The following ADARB2 variants were observed in gnomAD, a reference collection of about 807,000 sequenced individuals.
The protein encoded by ADARB2 is adenosine deaminase RNA specific B2 (inactive).
Under a neutral mutation model 62.2 loss-of-function variants are expected in ADARB2, and 25 were observed. That is an observed-to-expected ratio of 0.40 (90% CI 0.29 to 0.56). ADARB2 has a LOEUF of 0.56. Ranked by LOEUF, ADARB2 falls within the 20% of genes least tolerant of loss-of-function variation. ADARB2 has a pLI of 0.43. For synonymous variants in ADARB2, 572 were observed against 500.8 expected (o/e 1.14, Z -1.90); for missense variants, 1,071 against 1,077.4 (o/e 0.99, Z 0.08).
intron 3 of ADARB2, among the ~76,000 whole-genome samples, chr10:1,300,294 C>A (rs898727868): frequency 2.6e-5 from 4 of 152,196 alleles, no homozygotes; most frequent in African/African-American, 9.7e-5. Context: ...TTGAAGGCTG[C>A]CCTCGCAGCA....
At chr10:1,525,613 G>C (rs985251596) in intron 1 of ADARB2, among the ~76,000 whole-genome samples, 2 of 152,058 alleles carry the variant, frequency 1.3e-5, no homozygotes, top group South Asian at 2.1e-4. Context: ...CTGTTACCTC[G>C]GAGGGGTTGT....
At chr10:1,232,088 G>A (rs34525672) in intron 6 of ADARB2, among the ~76,000 whole-genome samples, 42,171 of 152,036 alleles carry the variant, frequency 0.28, 7,123 homozygotes, top group South Asian at 0.45. Flanking sequence ...ATGTATGTCT[G>A]CCAGAGATTT....
At chr10:1,703,783 A>G (rs992317414) in intron 1 of ADARB2, among the ~76,000 whole-genome samples, 13 of 152,148 alleles carry the variant, frequency 8.5e-5, no homozygotes, top group African/African-American at 2.7e-4. Context: ...GTGTTTTTTG[A>G]AAGTAGCATT....
intron 7 of ADARB2, among the ~76,000 whole-genome samples, chr10:1,207,323 T>G (rs61066254): frequency 0.038 from 5,794 of 152,236 alleles, 405 homozygotes; most frequent in African/African-American, 0.13. Context: ...CTAGCCTGGG[T>G]GACAAGAGCA....
intron 3 of ADARB2, among the ~76,000 whole-genome samples, chr10:1,293,978 G>A (rs4880812): frequency 0.33 from 50,310 of 151,744 alleles, 9,141 homozygotes; most frequent in Middle Eastern, 0.47. Context: ...GCAGGGGGGC[G>A]GGGGCATGGG....
intron 3 of ADARB2, among the ~76,000 whole-genome samples, chr10:1,357,050 C>T (rs191050819): frequency 6.6e-5 from 10 of 152,298 alleles, no homozygotes; most frequent in Non-Finnish European, 8.8e-5. Flanking sequence ...TAATTTTACA[C>T]GTAAGTGAAA....
At chr10:1,625,880 T>TGCCCCATTTCTCACGCCTCTGCCTGACC (rs1833759304) in intron 1 of ADARB2, among the ~76,000 whole-genome samples, 1 of 145,746 alleles carries the variant, frequency 6.9e-6, no homozygotes, top group African/African-American at 2.6e-5. Flanking sequence ...CCTGCCTGGC[T>TGCCCCATTTCTCACGCCTCTGCCTGACC]GCCCCACTTC....
chr10:1,585,271 A>G (rs1000759400), intron 1 of ADARB2, among the ~76,000 whole-genome samples: 8 of 152,152 alleles, frequency 5.3e-5, no homozygotes, highest in African/African-American at 1.9e-4. Context: ...GAACCCCATG[A>G]AAGGAAAATA....
chr10:1,328,389 G>A (rs548800302), intron 3 of ADARB2, among the ~76,000 whole-genome samples: 1 of 152,262 alleles, frequency 6.6e-6, no homozygotes, highest in South Asian at 2.1e-4. Context: ...TGGAAAAGTG[G>A]GTTTAGAAGT....
chr10:1,595,004 G>T (rs534968181), intron 1 of ADARB2, among the ~76,000 whole-genome samples: 1 of 152,142 alleles, frequency 6.6e-6, no homozygotes, highest in Non-Finnish European at 1.5e-5. Context: ...TGCAGGAAGC[G>T]GTCTTTCCTC....
chr10:1,194,179 G>C (rs1345251858), intron 8 of ADARB2, among the ~76,000 whole-genome samples: 5 of 152,150 alleles, frequency 3.3e-5, no homozygotes, highest in Admixed American at 3.3e-4. Context: ...GCAGTCCCAG[G>C]TATTGCTGGG....
intron 3 of ADARB2, among the ~76,000 whole-genome samples, chr10:1,359,305 A>C (rs1832227026): frequency 6.6e-6 from 1 of 152,054 alleles, no homozygotes; most frequent in East Asian, 1.9e-4. Flanking sequence ...TAAACCCTAC[A>C]TGTTTAGGTC....
intron 1 of ADARB2, among the ~76,000 whole-genome samples, chr10:1,503,310 C>T (rs1831790088): frequency 6.6e-6 from 1 of 151,394 alleles, no homozygotes; most frequent in African/African-American, 2.4e-5. Flanking sequence ...GCTCAGCTTC[C>T]TGAGTAGCTA....
intron 1 of ADARB2, among the ~76,000 whole-genome samples, chr10:1,407,291 T>C (rs1376317235): frequency 2.0e-5 from 3 of 152,192 alleles, no homozygotes; most frequent in Non-Finnish European, 2.9e-5. Context: ...CTGCAGCTCC[T>C]GTGCTGTCCT....
intron 3 of ADARB2, among the ~76,000 whole-genome samples, chr10:1,316,661 C>T (rs1468681957): frequency 2.6e-5 from 4 of 152,194 alleles, no homozygotes; most frequent in Non-Finnish European, 4.4e-5. Context: ...GAGAATCTCG[C>T]AGAAGCAGGG....
chr10:1,386,509 G>A (rs1417187621), intron 1 of ADARB2, among the ~76,000 whole-genome samples: 1 of 151,860 alleles, frequency 6.6e-6, no homozygotes, highest in African/African-American at 2.4e-5. Context: ...TAAGAAAGAT[G>A]GAATGGCTAT....
chr10:1,271,508 C>G (rs957355821), intron 3 of ADARB2, among the ~76,000 whole-genome samples: 6 of 152,218 alleles, frequency 3.9e-5, no homozygotes, highest in African/African-American at 1.4e-4. Context: ...GGCAAAATGG[C>G]TGGCGCTGTG....
At chr10:1,450,854 C>A (rs1301920030) in intron 1 of ADARB2, among the ~76,000 whole-genome samples, 1 of 152,194 alleles carries the variant, frequency 6.6e-6, no homozygotes, top group African/African-American at 2.4e-5. Flanking sequence ...CCTCCACGAG[C>A]TGAAGGCTGC....
chr10:1,273,779 A>T (rs1188207784), intron 3 of ADARB2, among the ~76,000 whole-genome samples: 1 of 152,204 alleles, frequency 6.6e-6, no homozygotes, highest in Non-Finnish European at 1.5e-5. Flanking sequence ...GCCCCACCAC[A>T]GGCTCCTGCA....
Sources: allele counts gnomAD v4.1 joint callset (sites outside exome capture counted in the v4.1 genomes callset), GRCh38; gene constraint gnomAD v4.1.1; transcripts MANE v1.5; gene names NCBI Gene and HGNC (gene_info 2026-07-23, HGNC 2026-07-21).